The following RPH3AL variants were observed in gnomAD, a reference collection of about 807,000 sequenced individuals.
The protein encoded by RPH3AL is rab effector Noc2.
RPH3AL carries 38 observed loss-of-function variants against 43.1 expected under a neutral mutation model. That is an observed-to-expected ratio of 0.88 (90% confidence interval 0.68 to 1.15). The LOEUF (loss-of-function observed/expected upper bound fraction) is 1.15, where lower values mean the gene tolerates loss of function less well. Among genes scored for constraint, RPH3AL ranks in the 50% most tolerant of loss-of-function variants. RPH3AL has a pLI of 0.00. For synonymous variants in RPH3AL, 189 were observed against 176.3 expected, an observed-to-expected ratio of 1.07 and a Z score of -0.57; for missense variants, 462 against 423.2, an observed-to-expected ratio of 1.09 and a Z score of -0.81.
chr17:310,619 G>A (rs977180329), intron 5 of RPH3AL, among the ~76,000 whole-genome samples: 16 of 152,254 alleles, frequency 1.1e-4, no homozygotes, highest in Middle Eastern at 3.4e-3. Context: ...TGGAGGGCCC[G>A]ATTCCTCACA....
intron 7 of RPH3AL, among the ~76,000 whole-genome samples, chr17:239,688 G>A (rs552197566): frequency 1.2e-4 from 18 of 152,226 alleles, no homozygotes; most frequent in South Asian, 2.1e-4. Flanking sequence ...GTGCAGTGGT[G>A]CAGTCTCAGC....
chr17:273,731 G>A (rs527335534), intron 6 of RPH3AL, among the ~76,000 whole-genome samples: 28 of 152,312 alleles, frequency 1.8e-4, no homozygotes, highest in African/African-American at 3.4e-4. Flanking sequence ...AACTTTTCCC[G>A]AGCACCTTTA....
intron 5 of RPH3AL, among the ~76,000 whole-genome samples, chr17:304,989 CAGGGCGAGAGGGGACAGGGCGAGAGGGGG>C: frequency 2.7e-5 from 1 of 36,642 alleles, no homozygotes; most frequent in Non-Finnish European, 5.2e-5. Flanking sequence ...GGGAGGGGGA[CAGGGCGAGAGGGGACAGGGCGAGAGGGGG>C]ACAGGGCGGG....
intron 5 of RPH3AL, among the ~76,000 whole-genome samples, chr17:315,164 C>G (rs1555519184): frequency 2.3e-4 from 1 of 4,330 alleles, no homozygotes; most frequent in Non-Finnish European, 5.1e-4. Context: ...AGTCCCTGTG[C>G]CCCCACCTCC....
At position 272,951 on chromosome 17, in the gene RPH3AL, A is replaced by AAGGGCTACGTCAGGGTGAGACCCCAGCG. The variant is rs2042517402; in HGVS notation, c.438+8816_438+8817insCGCTGGGGTCTCACCCTGACGTAGCCCT. On this transcript the variant is annotated intron_variant, in intron 6 of 9. Transcript: ENST00000331302. ...GGCGACATCAGGGAGAGACCCCAGC[A>AAGGGCTACGTCAGGGTGAGACCCCAGCG]AGGGCTACGTCAGGGTGAGACCCCA... 6.8e-5 allele frequency among the ~76,000 whole-genome samples: 2 copies of AAGGGCTACGTCAGGGTGAGACCCCAGCG among 29,324 alleles called. 1 individual carries two copies. The highest frequency in any genetic ancestry group is 1.6e-4 in the Non-Finnish European group (2 of 12,802). 19.2% of individuals were successfully genotyped at this position (29,324 alleles called of 152,430 possible).
At chr17:250,471 T>C (rs1365661523) in intron 6 of RPH3AL, among the ~76,000 whole-genome samples, 1 of 129,934 alleles carries the variant, frequency 7.7e-6, no homozygotes, top group African/African-American at 3.0e-5. Context: ...CTAAGTGCCA[T>C]CGCTGTGGGA....
chr17:313,969 G>C (rs990442442), intron 5 of RPH3AL, among the ~76,000 whole-genome samples: 3 of 152,058 alleles, frequency 2.0e-5, no homozygotes, highest in African/African-American at 7.2e-5. Context: ...CCCAAGCCAG[G>C]ACTGAGACCT....
In RPH3AL at chr17:274,102, C is replaced by T. The variant is rs1269446471; in HGVS notation, c.438+7666G>A. Among the ~76,000 whole-genome samples the T allele has an allele frequency of 6.6e-6, 1 of 152,174 alleles. No individual in the cohort carries two copies. The highest frequency in any genetic ancestry group is 2.4e-5 in the African/African-American group (1 of 41,440). On this transcript the variant is annotated intron_variant, in intron 6 of 9. Coordinates refer to ENST00000331302, the MANE Select transcript of RPH3AL (RefSeq NM_006987.4). This position sits in a 1 kb window ranked among gnomAD's most constrained non-coding sequence, Gnocchi z 4.7. ...CGTTTTCGTTTAGTGGATAGGGATT[C>T]GAGGCTAAACAGTAAATGAAATGAA...
chr17:281,495 A>C (rs1598005535), intron 6 of RPH3AL, among the ~76,000 whole-genome samples: 1 of 151,698 alleles, frequency 6.6e-6, no homozygotes, highest in East Asian at 1.9e-4. Context: ...GGGGCTTCCC[A>C]CCGAAACCTC....
In RPH3AL at chr17:322,061, G is replaced by A. The variant is rs1441324322; in HGVS notation, c.78-646C>T. On this transcript the variant is annotated intron_variant, in intron 3 of 9. Transcript: ENST00000331302. This position sits in a 1 kb window ranked among gnomAD's most constrained non-coding sequence, Gnocchi z 4.0. Reference sequence around the variant, plus strand: ...GTTGATATGAACACTTTGAAAACTAGCAGGTTCGAGGCGGGGGGGAAGCGA... The same window carrying A: ...GTTGATATGAACACTTTGAAAACTAACAGGTTCGAGGCGGGGGGGAAGCGA... Among the ~76,000 whole-genome samples the A allele has an allele frequency of 6.6e-6, 1 of 152,186 alleles. No individual in the cohort carries two copies. Among genetic ancestry groups the A allele is most frequent in the Non-Finnish European group, 1.5e-5 (1 of 68,032 alleles).
rs2041777087 is a variant in RPH3AL at position 246,860 on chromosome 17, C to T, written c.613+251G>A. 6.6e-6 allele frequency among the ~76,000 whole-genome samples: 1 copy of T among 152,238 alleles called. No homozygotes were observed. The highest frequency in any genetic ancestry group is 1.5e-5 in the Non-Finnish European group (1 of 68,040). On this transcript the variant is annotated intron_variant, in intron 7 of 9. Coordinates refer to ENST00000331302, the MANE Select transcript of RPH3AL (RefSeq NM_006987.4). This position sits in a 1 kb window ranked among gnomAD's most constrained non-coding sequence, Gnocchi z 4.8. ...TGGCATCCTTGCCCCCAGAGCAGTA[C>T]TTGTATGTGATACTGCCCCCCGTGG...
chr17:306,386 G>C (rs950864689), intron 5 of RPH3AL: 2 of 152,222 alleles, frequency 1.3e-5, no homozygotes, highest in African/African-American at 4.8e-5. Context: ...CCCAGCACTG[G>C]CCCGCCGTGT....
At chr17:338,260 G>A (rs4985613) in intron 1 of RPH3AL, among the ~76,000 whole-genome samples, 5,374 of 152,170 alleles carry the variant, frequency 0.035, 243 homozygotes, top group East Asian at 0.2. Flanking sequence ...TCAGGAGTTC[G>A]AGACCAGCCT....
intron 7 of RPH3AL, among the ~76,000 whole-genome samples, chr17:228,477 AG>A (rs1161182015): frequency 2.6e-5 from 4 of 152,146 alleles, no homozygotes; most frequent in African/African-American, 9.7e-5. Context: ...TTGATAGGCA[AG>A]AGCTGTTACA....
intron 5 of RPH3AL, among the ~76,000 whole-genome samples, chr17:295,832 A>T (rs1303704241): frequency 1.8e-5 from 2 of 112,534 alleles, no homozygotes; most frequent in African/African-American, 3.6e-5. Context: ...GGGACAGAGG[A>T]GCTGCAGAAA....
intron 5 of RPH3AL, among the ~76,000 whole-genome samples, chr17:314,474 C>A (rs1555518186): frequency 7.0e-6 from 1 of 141,876 alleles, no homozygotes; most frequent in East Asian, 2.0e-4. Context: ...TATGCCCCCA[C>A]CTCCATTGAC....
Position 213,805 on chromosome 17 carries a change from C to G in RPH3AL, c.*47G>C. On this transcript the variant is annotated 3_prime_UTR_variant, in exon 10 of 10. Transcript: ENST00000331302. ...CGGTCAGGGAGGAGCCGGGCAGGGT[C>G]TGGCAGGAATCCTCCACAGGGAAGT... 1 of 1,513,416 alleles carries G rather than the reference C, an allele frequency of 6.6e-7. No homozygotes were observed. Among genetic ancestry groups the G allele is most frequent in the Non-Finnish European group, 9.2e-7 (1 of 1,091,938 alleles). The allele number at this position is 1,513,416 out of a possible 1,614,324, so 93.7% of individuals were successfully genotyped here.
chr17:317,130 C>G (rs543943737), intron 5 of RPH3AL, among the ~76,000 whole-genome samples: 10 of 150,386 alleles, frequency 6.6e-5, no homozygotes, highest in African/African-American at 1.5e-4. Flanking sequence ...CCTCCACTGA[C>G]GTGTAGTCCC....
chr17:277,942 G>A (rs997516663), intron 6 of RPH3AL, among the ~76,000 whole-genome samples: 2 of 151,778 alleles, frequency 1.3e-5, no homozygotes, highest in Non-Finnish European at 2.9e-5. Flanking sequence ...GTGACACAGT[G>A]AGATCCTGTC....
Sources: gnomAD v4.1 joint callset for allele counts (sites outside exome capture counted in the v4.1 genomes callset) on GRCh38, gnomAD v4.1.1 for gene constraint, Gnocchi (gnomAD v3.1) non-coding constraint, MANE v1.5 for transcripts, NCBI Gene and HGNC (gene_info 2026-07-23, HGNC 2026-07-21) for gene names.